MPHOSPH9: variants seen among roughly 807,000 people sequenced by gnomAD.
MPHOSPH9 encodes M-phase phosphoprotein 9.
In MPHOSPH9, 88 loss-of-function variants were observed where a neutral mutation model predicts 145.5. That is an observed-to-expected ratio of 0.60 (90% CI 0.51 to 0.72). The LOEUF is 0.72. Among genes scored for constraint, MPHOSPH9 ranks in the 30% least tolerant of loss-of-function variants. The pLI is 0.00. For synonymous variants in MPHOSPH9, 435 were observed against 486.2 expected (o/e 0.89, Z 1.39); for missense variants, 1,238 against 1,386.6 (o/e 0.89, Z 1.70).
At chr12:123,205,438 T>C (rs991558883) in intron 8 of MPHOSPH9, among the ~76,000 whole-genome samples, 11 of 151,764 alleles carry the variant, frequency 7.2e-5, no homozygotes, top group Non-Finnish European at 1.3e-4. Context: ...CCCAGCTACT[T>C]GGGAGGCTGA....
rs1031253032 is a variant in MPHOSPH9, at chr12:123,154,988, C to G, written c.*1819G>C. The G allele has an allele frequency of 1.6e-4, 13 of 82,366 alleles. No homozygotes were observed. The highest frequency in any genetic ancestry group is 1.5e-4 in the Admixed American group (1 of 6,790). 5.1% of individuals were successfully genotyped at this position (82,366 alleles called of 1,614,324 possible). ...TGGCCAATATGGTGAAACACCATCT[C>G]TACTAAAAAAAAAAAAAAGATATAT... On this transcript the variant is annotated 3_prime_UTR_variant, in exon 24 of 24. Coordinates refer to ENST00000606320, the MANE Select transcript of MPHOSPH9 (RefSeq NM_022782.4).
chr12:123,236,058 G>A (rs1300028923), upstream of MPHOSPH9, among the ~76,000 whole-genome samples: 4 of 151,666 alleles, frequency 2.6e-5, no homozygotes, highest in East Asian at 2.0e-4. Flanking sequence ...AGTGAGACTC[G>A]TCTCAAAAAA....
intron 3 of MPHOSPH9, chr12:123,226,239 T>C: frequency 2.7e-6 from 2 of 735,130 alleles, no homozygotes; most frequent in Non-Finnish European, 3.4e-6. Context: ...CATATAATAA[T>C]ACTTTTTTAT....
At chr12:123,204,092 C>T (rs749976986) in intron 8 of MPHOSPH9, among the ~76,000 whole-genome samples, 13 of 152,016 alleles carry the variant, frequency 8.6e-5, no homozygotes, top group Non-Finnish European at 1.2e-4. Flanking sequence ...CACTTGAAGT[C>T]GAGAGTTTGA....
chr12:123,207,146 TAAAAAAAAA>T (rs35392378), intron 8 of MPHOSPH9, among the ~76,000 whole-genome samples: 2 of 114,582 alleles, frequency 1.7e-5, no homozygotes, highest in East Asian at 2.7e-4. Flanking sequence ...CTAAAGTGGT[TAAAAAAAAA>T]AAAAAAAAAA....
At chr12:123,185,092 C>G (rs1489158091) in intron 13 of MPHOSPH9, among the ~76,000 whole-genome samples, 1 of 152,088 alleles carries the variant, frequency 6.6e-6, no homozygotes, top group Non-Finnish European at 1.5e-5. Context: ...GCGTGAGCCA[C>G]CACACCCAGC....
At chr12:123,152,382 C>T (rs1157358405), downstream of MPHOSPH9, 2 of 338,560 alleles carry the variant, frequency 5.9e-6, no homozygotes, top group Non-Finnish European at 1.2e-5. Flanking sequence ...ATGGTCCCTG[C>T]TCCCGCGGAG....
chr12:123,202,230 T>A lies in MPHOSPH9; in HGVS notation c.1871A>T (p.Lys624Met). The A allele has an allele frequency of 6.2e-7, 1 of 1,613,568 alleles. No individual in the cohort carries two copies. The highest frequency in any genetic ancestry group is 2.2e-5 in the East Asian group (1 of 44,830). The change falls in exon 11 of 24, where the codon AAG (lysine) becomes ATG (methionine). Residue 624 changes from lysine (K) to methionine (M), a missense_variant. Physicochemically the swap from Lys to Met is moderately conservative, Grantham distance 95. Transcript: ENST00000606320. ...TCCAGAGATTTCTTTTGCCTCCAGC[T>A]TCTGTTTCAAACTATTTATTTCTGA... ...YESEINSLKQ[K>M]LEAKEISGVE...
chr12:123,231,494 T>C (rs1388894376), intron 1 of MPHOSPH9, among the ~76,000 whole-genome samples: 1 of 152,154 alleles, frequency 6.6e-6, no homozygotes, highest in Admixed American at 6.5e-5. Flanking sequence ...GAACTATATA[T>C]ATGGTCTTTT....
At position 123,202,663 on chromosome 12, in the gene MPHOSPH9, A is replaced by C. The variant is rs760096565; in HGVS notation, c.1742T>G (p.Ile581Ser). 2.2e-5 allele frequency: 35 copies of C among 1,614,088 alleles called. No homozygotes were observed. In the Middle Eastern group the frequency reaches 2.8e-3, roughly 129 times the overall value. ...AGGATCTTCCAAGGAAGTCAATGAA[A>C]TGCATTCTGGGACACTGTTGGCTGT... is the stretch of plus-strand genomic sequence containing the variant. ...PGTANSVPECISLTSLEDPVI... is the reference protein window; with the variant it reads ...PGTANSVPECSSLTSLEDPVI... The change falls in exon 10 of 24, where the codon ATT becomes AGT. Residue 581 changes from isoleucine to serine, a missense_variant. By Grantham distance (142) the Ile-to-Ser change is moderately radical (BLOSUM62 -2). Coordinates refer to ENST00000606320, the MANE Select transcript of MPHOSPH9 (RefSeq NM_022782.4).
In MPHOSPH9 at chr12:123,155,384, C is replaced by T. The variant is rs2137816359; in HGVS notation, c.*1423G>A. ...TGAGAAGGGAGCAGGGCTGTGGACCCCTGGCCTGGGGACCAGCCAGGTGAA... is the reference window on the plus strand; with the variant it reads ...TGAGAAGGGAGCAGGGCTGTGGACCTCTGGCCTGGGGACCAGCCAGGTGAA... On this transcript the variant is annotated 3_prime_UTR_variant, in exon 24 of 24. Transcript: ENST00000606320. The T allele has an allele frequency of 6.6e-6, 1 of 152,222 alleles. No homozygotes were observed. Among genetic ancestry groups the T allele is most frequent in the South Asian group, 2.1e-4 (1 of 4,826 alleles). 9.4% of individuals were successfully genotyped at this position (152,222 alleles called of 1,614,324 possible). A position where few individuals can be genotyped will look rare whatever the true frequency, so the allele number is the denominator to read the frequency against.
intron 3 of MPHOSPH9, among the ~76,000 whole-genome samples, chr12:123,227,030 T>G (rs1004847163): frequency 2.0e-5 from 3 of 152,204 alleles, no homozygotes; most frequent in Non-Finnish European, 2.9e-5. Context: ...TATAATGCAA[T>G]GTATCACAGC....
At chr12:123,196,459 TAATA>T (rs373301701) in intron 12 of MPHOSPH9, among the ~76,000 whole-genome samples, 39 of 152,292 alleles carry the variant, frequency 2.6e-4, no homozygotes, top group African/African-American at 9.1e-4. Flanking sequence ...TTTTATCGTC[TAATA>T]GATATTAAAA....
intron 1 of MPHOSPH9, among the ~76,000 whole-genome samples, chr12:123,242,157 A>C (rs1217011948): frequency 1.3e-5 from 2 of 152,198 alleles, no homozygotes; most frequent in Non-Finnish European, 2.9e-5. Flanking sequence ...CTCTGAACTT[A>C]ACCAAGTTGG....
chr12:123,218,609 T>A, intron 5 of MPHOSPH9, 110 bp from the exon 6 acceptor site: 1 of 996,512 alleles, frequency 1.0e-6, no homozygotes, highest in Non-Finnish European at 1.5e-6. Flanking sequence ...CACTGCAACC[T>A]CCATCTCCTA....
chr12:123,176,108 T>C (rs929890082), intron 16 of MPHOSPH9, among the ~76,000 whole-genome samples: 9 of 152,212 alleles, frequency 5.9e-5, no homozygotes, highest in Admixed American at 5.2e-4. Context: ...CTAATAAATG[T>C]CATTATAAAG....
upstream of MPHOSPH9, among the ~76,000 whole-genome samples, chr12:123,234,093 A>C (rs943287777): frequency 2.0e-5 from 3 of 151,522 alleles, no homozygotes; most frequent in African/African-American, 7.3e-5. Context: ...CAAGCCACCC[A>C]GCCCTACTTT....
At chr12:123,173,738 A>G (rs1191972768) in intron 16 of MPHOSPH9, among the ~76,000 whole-genome samples, 1 of 152,210 alleles carries the variant, frequency 6.6e-6, no homozygotes, top group Non-Finnish European at 1.5e-5. Context: ...CTGGGAAAGA[A>G]ACTCCTGTGC....
intron 23 of MPHOSPH9, chr12:123,160,539 A>G (rs961600511): frequency 6.9e-6 from 3 of 433,916 alleles, no homozygotes; most frequent in African/African-American, 6.1e-5. Context: ...TTTCTTGAAA[A>G]TACAAGGGCA....
Sources: gnomAD v4.1 joint callset for allele counts (sites outside exome capture counted in the v4.1 genomes callset) on GRCh38, gnomAD v4.1.1 for gene constraint, MANE v1.5 for transcripts, NCBI Gene and HGNC (gene_info 2026-07-23, HGNC 2026-07-21) for gene names.